Variants in CUX1 observed in about 807,000 individuals in gnomAD.
The protein encoded by CUX1 is cut like homeobox 1.
Under a neutral mutation model 158.8 loss-of-function variants are expected in CUX1, and 31 were observed. The observed-to-expected ratio is 0.20, with a 90% CI of 0.15 to 0.26. The LOEUF (loss-of-function observed/expected upper bound fraction) is 0.26, where lower values mean the gene tolerates loss of function less well. Among genes scored for constraint, CUX1 ranks in the 10% least tolerant of loss-of-function variants. The pLI, the probability that CUX1 is intolerant of heterozygous loss-of-function variation, is 1.00. For synonymous variants in CUX1, 879 were observed against 862.1 expected (o/e 1.02, Z -0.34); for missense variants, 1,589 against 2,014.6 (o/e 0.79, Z 4.04).
chr7:101,832,260 TGA>T (rs1427906435), intron 1 of CUX1, among the ~76,000 whole-genome samples: 2 of 152,048 alleles, frequency 1.3e-5, no homozygotes, highest in African/African-American at 4.8e-5. Flanking sequence ...CAGGGACCAC[TGA>T]GGGGTGATGG....
At chr7:102,177,970 G>A (rs1003225352) in intron 10 of CUX1, among the ~76,000 whole-genome samples, 13 of 152,142 alleles carry the variant, frequency 8.5e-5, no homozygotes, top group Non-Finnish European at 1.2e-4. Flanking sequence ...TCAGCTCAGC[G>A]CAACCTTCTT....
chr7:102,241,870 T>A (rs1484603820), intron 23 of CUX1, among the ~76,000 whole-genome samples: 1 of 152,128 alleles, frequency 6.6e-6, no homozygotes, highest in African/African-American at 2.4e-5. Context: ...CTCAGGAGGC[T>A]GAGGTGGGAG....
intron 1 of CUX1, among the ~76,000 whole-genome samples, chr7:101,853,587 GTGTGTGTGTGTGTGT>G (rs1562930291): frequency 1.4e-4 from 10 of 69,772 alleles, no homozygotes; most frequent in Admixed American, 4.7e-4. Flanking sequence ...TAGAAAGGGT[GTGTGTGTGTGTGTGT>G]GTGTGTGTGT....
chr7:101,931,219 G>C (rs912063115), intron 2 of CUX1, among the ~76,000 whole-genome samples: 1 of 152,090 alleles, frequency 6.6e-6, no homozygotes, highest in Non-Finnish European at 1.5e-5. Flanking sequence ...TTCTTAAAAG[G>C]CATCACCTCC....
chr7:102,010,936 C>A (rs1200055989), intron 2 of CUX1, among the ~76,000 whole-genome samples: 1 of 151,704 alleles, frequency 6.6e-6, no homozygotes, highest in East Asian at 1.9e-4. Context: ...CATGGAGAAA[C>A]CCCCATCTCT....
At chr7:101,931,487 G>A (rs1046517446) in intron 2 of CUX1, among the ~76,000 whole-genome samples, 6 of 152,200 alleles carry the variant, frequency 3.9e-5, no homozygotes, top group Non-Finnish European at 7.3e-5. Context: ...CAGGTACAGT[G>A]TTTATTTCTG....
At chr7:101,940,029 G>A (rs750285764) in intron 2 of CUX1, among the ~76,000 whole-genome samples, 1 of 150,926 alleles carries the variant, frequency 6.6e-6, no homozygotes, top group East Asian at 2.0e-4. Flanking sequence ...GCAGTGAGCC[G>A]AGATTGCACC....
intron 2 of CUX1, among the ~76,000 whole-genome samples, chr7:102,025,282 T>C (rs1295815211): frequency 6.6e-6 from 1 of 152,188 alleles, no homozygotes; most frequent in Non-Finnish European, 1.5e-5. Context: ...GACGTGGTTA[T>C]CTCTGGCGGA....
intron 2 of CUX1, among the ~76,000 whole-genome samples, chr7:102,021,842 T>G (rs1315718496): frequency 6.6e-6 from 1 of 152,134 alleles, no homozygotes; most frequent in Non-Finnish European, 1.5e-5. Context: ...AATACAGGTG[T>G]GAGCCACCAC....
chr7:101,873,857 A>G (rs1004603996), intron 1 of CUX1, among the ~76,000 whole-genome samples: 2 of 152,294 alleles, frequency 1.3e-5, no homozygotes, highest in South Asian at 4.2e-4. Flanking sequence ...AGTGCTGGGA[A>G]TACAGGCATG....
chr7:101,870,166 T>G (rs1355783235), intron 1 of CUX1, among the ~76,000 whole-genome samples: 5 of 149,698 alleles, frequency 3.3e-5, no homozygotes, highest in Non-Finnish European at 4.5e-5. Context: ...TTTTTTTTTT[T>G]TTTTAAAGAC....
intron 3 of CUX1, among the ~76,000 whole-genome samples, chr7:102,069,099 C>T (rs190133883): frequency 3.7e-4 from 57 of 152,256 alleles, no homozygotes; most frequent in African/African-American, 1.3e-3. Context: ...TCTCTCCAGC[C>T]GCCCTCTCCT....
At chr7:101,857,535 A>C (rs1796989470) in intron 1 of CUX1, among the ~76,000 whole-genome samples, 1 of 152,168 alleles carries the variant, frequency 6.6e-6, no homozygotes, top group Non-Finnish European at 1.5e-5. Context: ...AGGTGAAGCG[A>C]GGATGGGGTT....
chr7:102,281,660 C>G (rs1792074387), intron 20 of CUX1, among the ~76,000 whole-genome samples: 1 of 149,570 alleles, frequency 6.7e-6, no homozygotes, highest in Non-Finnish European at 1.5e-5. Context: ...GAGACTCTGT[C>G]TCAAAAAAAA....
At chr7:101,832,170 G>C (rs1210783194) in intron 1 of CUX1, among the ~76,000 whole-genome samples, 1 of 152,204 alleles carries the variant, frequency 6.6e-6, no homozygotes, top group African/African-American at 2.4e-5. Flanking sequence ...AACCAGGAGG[G>C]TGTGGTGGTC....
intron 1 of CUX1, among the ~76,000 whole-genome samples, chr7:101,868,583 T>C (rs1460567112): frequency 6.6e-6 from 1 of 152,214 alleles, no homozygotes; most frequent in African/African-American, 2.4e-5. Flanking sequence ...CCCTGTGCCC[T>C]GTGTCCACTG....
chr7:102,178,798 G>C (rs1343526489), intron 11 of CUX1, 141 bp downstream of exon 11: 4 of 832,022 alleles, frequency 4.8e-6, no homozygotes. Context: ...GCACCAAGCA[G>C]AGTCCCGGAG....
In CUX1 at chr7:102,083,728, A is replaced by G. The variant is rs567365201; in HGVS notation, c.268+13311A>G. On this transcript the variant is annotated intron_variant, in intron 4 of 23. Coordinates refer to ENST00000292535, the MANE Select transcript of CUX1 (RefSeq NM_181552.4). ...AATTGACAACACTATTTATTCTTCC[A>G]TAATATATTTATTTAGTTCATCTTT... is the stretch of plus-strand genomic sequence containing the variant. 3.4e-5 allele frequency among the ~76,000 whole-genome samples: 5 copies of G among 147,078 alleles called. No individual in the cohort carries two copies. The East Asian group carries it at 5.8e-4, about 17-fold the overall frequency.
At chr7:101,888,325 C>T (rs745975571) in intron 1 of CUX1, among the ~76,000 whole-genome samples, 4 of 151,296 alleles carry the variant, frequency 2.6e-5, no homozygotes, top group Non-Finnish European at 5.9e-5. Context: ...AGTGAGGCTC[C>T]GTCTCCAAAA....
Sources: allele counts gnomAD v4.1 joint callset (sites outside exome capture counted in the v4.1 genomes callset), GRCh38; gene constraint gnomAD v4.1.1; transcripts MANE v1.5; gene names NCBI Gene and HGNC (gene_info 2026-07-23, HGNC 2026-07-21).